Variants in XRRA1 observed in about 807,000 individuals in gnomAD.
The protein encoded by XRRA1 is X-ray radiation resistance-associated protein 1.
Under a neutral mutation model 80.2 loss-of-function variants are expected in XRRA1, and 69 were observed. The ratio of observed to expected loss-of-function variants is 0.86; its 90% CI spans 0.71 to 1.05. The LOEUF (loss-of-function observed/expected upper bound fraction) is 1.05, where lower values mean the gene tolerates loss of function less well. Ranked by LOEUF, XRRA1 falls within the 50% of genes least tolerant of loss-of-function variation. The pLI is 0.00. For missense variants in XRRA1, 967 were observed against 976.4 expected, an observed-to-expected ratio of 0.99 and a Z score of 0.13; for synonymous variants, 348 against 389.9, an observed-to-expected ratio of 0.89 and a Z score of 1.27.
At chr11:74,877,293 T>G (rs1479356281) in intron 10 of XRRA1, among the ~76,000 whole-genome samples, 1 of 151,684 alleles carries the variant, frequency 6.6e-6, no homozygotes, top group Non-Finnish European at 1.5e-5. Context: ...GGAATATATG[T>G]TTTTTTTCAA....
intron 10 of XRRA1, among the ~76,000 whole-genome samples, chr11:74,873,529 G>T (rs921301153): frequency 5.3e-5 from 8 of 152,326 alleles, no homozygotes; most frequent in Admixed American, 5.2e-4. Flanking sequence ...AACATGGACA[G>T]TGCTGCCTCA....
At chr11:74,882,047 G>A (rs551120843) in intron 10 of XRRA1, among the ~76,000 whole-genome samples, 11 of 146,788 alleles carry the variant, frequency 7.5e-5, no homozygotes, top group East Asian at 2.0e-4. Flanking sequence ...GAATCTGAAC[G>A]TTGGCCTGCC....
At chr11:74,844,704 C>T (rs867057832) in intron 16 of XRRA1, among the ~76,000 whole-genome samples, 1 of 152,186 alleles carries the variant, frequency 6.6e-6, no homozygotes, top group Non-Finnish European at 1.5e-5. Context: ...CGATTTTGGA[C>T]GTTCAGTTTG....
intron 10 of XRRA1, among the ~76,000 whole-genome samples, chr11:74,901,761 C>A (rs138426012): frequency 5.9e-5 from 9 of 152,238 alleles, no homozygotes; most frequent in Non-Finnish European, 1.0e-4. Flanking sequence ...AAACTTGACT[C>A]CATCTCTTGC....
At chr11:74,893,392 C>A (rs2051316248) in intron 10 of XRRA1, among the ~76,000 whole-genome samples, 1 of 106,814 alleles carries the variant, frequency 9.4e-6, no homozygotes, top group Admixed American at 1.4e-4. Flanking sequence ...ACATCACACA[C>A]TGGGGCCTGT....
chr11:74,872,155 G>T (rs1356317850), intron 10 of XRRA1, among the ~76,000 whole-genome samples: 1 of 152,266 alleles, frequency 6.6e-6, no homozygotes, highest in African/African-American at 2.4e-5. Context: ...GGCCTATAAA[G>T]AACTAGGAGA....
intron 10 of XRRA1, among the ~76,000 whole-genome samples, chr11:74,892,499 G>A (rs1305835877): frequency 1.3e-5 from 2 of 152,210 alleles, no homozygotes; most frequent in Non-Finnish European, 1.5e-5. Context: ...GCATGGGCAA[G>A]GACTTCATGT....
Position 74,859,817 on chromosome 11 carries a change from T to C in XRRA1, c.1045-534A>G, listed in dbSNP as rs116193394. ...TTGAGGATGAAACAACAGTCCTAAA[T>C]GACTTCAACCTGCCCGTGGGAGCTG... On this transcript the variant is annotated intron_variant, in intron 11 of 18. Coordinates refer to ENST00000684022, the MANE Select transcript of XRRA1 (RefSeq NM_001378157.1). 6.6e-3 allele frequency among the ~76,000 whole-genome samples: 1,005 copies of C among 152,190 alleles called. 10 individuals carry two copies. The highest frequency in any genetic ancestry group is 0.022 in the African/African-American group (923 of 41,518).
intron 10 of XRRA1, among the ~76,000 whole-genome samples, chr11:74,901,286 G>A (rs1442270503): frequency 6.6e-6 from 1 of 151,890 alleles, no homozygotes; most frequent in Non-Finnish European, 1.5e-5. Flanking sequence ...GAAAGAAATT[G>A]AAAAGGACAC....
intron 10 of XRRA1, among the ~76,000 whole-genome samples, chr11:74,900,365 C>T (rs1291359827): frequency 2.0e-5 from 3 of 152,002 alleles, no homozygotes; most frequent in Non-Finnish European, 4.4e-5. Flanking sequence ...GGCGGATCAC[C>T]TGAGGTCGGG....
chr11:74,874,859 A>T (rs2045702010), intron 10 of XRRA1, among the ~76,000 whole-genome samples: 1 of 152,214 alleles, frequency 6.6e-6, no homozygotes, highest in Non-Finnish European at 1.5e-5. Flanking sequence ...CGCTCTTCAC[A>T]AATGGAAGTT....
In XRRA1 at chr11:74,843,055, C is replaced by G; in HGVS notation, c.*145G>C. 1 of 1,151,056 alleles carries G rather than the reference C, an allele frequency of 8.7e-7. No individual in the cohort carries two copies. The highest frequency in any genetic ancestry group is 1.2e-6 in the Non-Finnish European group (1 of 840,136). 71.3% of individuals were successfully genotyped at this position (1,151,056 alleles called of 1,614,324 possible). A position where few individuals can be genotyped will look rare whatever the true frequency, so the allele number is the denominator to read the frequency against. On this transcript the variant is annotated 3_prime_UTR_variant, in exon 19 of 19. Transcript: ENST00000684022. ...GAGGGGAGATCCTGACAAGGGGATG[C>G]CACCTTGTGGCCAGCAAGTGGGGCC... is the stretch of plus-strand genomic sequence containing the variant.
intron 4 of XRRA1, 92 bp from the exon 5 acceptor site, chr11:74,933,964 TACTTGTCATA>T (rs1944288008): frequency 9.0e-7 from 1 of 1,107,736 alleles, no homozygotes; most frequent in South Asian, 1.5e-5. Context: ...GGCAATCATA[TACTTGTCATA>T]ATTTGTTTGC....
At chr11:74,909,455 T>C (rs1202390805) in intron 8 of XRRA1, among the ~76,000 whole-genome samples, 3 of 152,236 alleles carry the variant, frequency 2.0e-5, no homozygotes, top group Non-Finnish European at 2.9e-5. Flanking sequence ...AAAAAATTCC[T>C]CTTAAGCTCC....
chr11:74,844,507 A>C (rs374426750), intron 16 of XRRA1, among the ~76,000 whole-genome samples: 3 of 152,200 alleles, frequency 2.0e-5, no homozygotes, highest in East Asian at 1.9e-4. Context: ...GAAAAATAGC[A>C]CAGATTGTAA....
At chr11:74,925,176 G>A (rs1941922018) in intron 7 of XRRA1, among the ~76,000 whole-genome samples, 1 of 152,240 alleles carries the variant, frequency 6.6e-6, no homozygotes, top group Non-Finnish European at 1.5e-5. Flanking sequence ...GTCCCAGAGA[G>A]GGTACGTTGT....
rs760220667 is a variant in XRRA1, at chr11:74,927,394, T to C, written c.519A>G (p.Leu173=). The change falls in exon 7 of 19, where the codon TTA becomes TTG. Residue 173 remains leucine (L), a synonymous_variant. Transcript: ENST00000684022. The part of the protein sequence containing the change: ...IYVKYGDFKL[L]EFLDLSFNSL... ...AAACTCCCTACCTCCAACTTACTTCTAATAACTTAAAGTCTCCATATTTCA... is the reference window on the plus strand; with the variant it reads ...AAACTCCCTACCTCCAACTTACTTCCAATAACTTAAAGTCTCCATATTTCA... The C allele has an allele frequency of 1.2e-6, 2 of 1,604,012 alleles. No homozygotes were observed. Among genetic ancestry groups the C allele is most frequent in the Non-Finnish European group, 1.7e-6 (2 of 1,171,194 alleles).
chr11:74,879,450 C>T (rs949336134), intron 10 of XRRA1, among the ~76,000 whole-genome samples: 2 of 152,100 alleles, frequency 1.3e-5, no homozygotes, highest in African/African-American at 4.8e-5. Flanking sequence ...ATTGAATACC[C>T]TTTATTTCCT....
intron 18 of XRRA1, 181 bp from the exon 19 acceptor site, chr11:74,843,634 G>C: frequency 2.3e-6 from 2 of 885,276 alleles, no homozygotes; most frequent in South Asian, 3.5e-5. Context: ...CCTATGCATT[G>C]ACTCTATCTT....
Sources: gnomAD v4.1 joint callset for allele counts (sites outside exome capture counted in the v4.1 genomes callset) on GRCh38, gnomAD v4.1.1 for gene constraint, MANE v1.5 for transcripts, NCBI Gene and HGNC (gene_info 2026-07-23, HGNC 2026-07-21) for gene names.